LMBRD2: variants seen among roughly 807,000 people sequenced by gnomAD.
The protein encoded by LMBRD2 is G protein-coupled receptor-associated protein LMBRD2.
LMBRD2 carries 55 observed loss-of-function variants against 94.4 expected under a neutral mutation model. The ratio of observed to expected loss-of-function variants is 0.58; its 90% CI spans 0.47 to 0.73. The LOEUF (loss-of-function observed/expected upper bound fraction) is 0.73, where lower values mean the gene tolerates loss of function less well. LMBRD2 is among the 30% of genes least tolerant of loss of function. LMBRD2 has a pLI of 0.00. For synonymous variants in LMBRD2, 246 were observed against 272.4 expected (o/e 0.90, Z 0.95); for missense variants, 640 against 831.9 (o/e 0.77, Z 2.84).
At chr5:36,105,636 G>A (rs1258232223) in intron 16 of LMBRD2, among the ~76,000 whole-genome samples, 1 of 152,106 alleles carries the variant, frequency 6.6e-6, no homozygotes. Flanking sequence ...CAAGAGTATG[G>A]GTAGCACTAG....
rs372279983 is a variant in LMBRD2 at position 36,105,176 on chromosome 5, G to A, written c.1919C>T (p.Ala640Val). The A allele has an allele frequency of 3.1e-6, 5 of 1,612,026 alleles. No homozygotes were observed. The highest frequency in any genetic ancestry group is 3.3e-5 in the Admixed American group (2 of 59,822). ...TNRSAFKYTRANNRTERDRIE... is the reference protein window; with the variant it reads ...TNRSAFKYTRVNNRTERDRIE... The stretch of plus-strand genomic sequence containing the variant: ...CCGGTCCCTTTCAGTCCTGTTATTA[G>A]CCCTGGTATATTTGAATGCAGCTGC... The change falls in exon 17 of 18, where the codon GCT (alanine) becomes GTT (valine). Residue 640 changes from alanine (A) to valine (V), a missense_variant. This residue lies in a region of LMBRD2 where 183 missense variants were observed against 189.1 expected (regional missense o/e 0.97). Coordinates refer to ENST00000296603, the MANE Select transcript of LMBRD2 (RefSeq NM_001007527.2).
Position 36,111,291 on chromosome 5 carries a change from A to G in LMBRD2, c.1641-33T>C, listed in dbSNP as rs1181834853. On this transcript the variant is annotated intron_variant, in intron 13 of 17. Coordinates refer to ENST00000296603, the MANE Select transcript of LMBRD2 (RefSeq NM_001007527.2). ...AAGCAGATTTTTTAAAAAGACAAACATTATTTCACATTGTAAATATTTAGA... is the reference window on the plus strand; with the variant it reads ...AAGCAGATTTTTTAAAAAGACAAACGTTATTTCACATTGTAAATATTTAGA... The G allele has an allele frequency of 8.5e-6, 11 of 1,288,670 alleles. No individual in the cohort carries two copies. In the Admixed American group the frequency reaches 1.7e-4, roughly 20 times the overall value. 79.8% of individuals were successfully genotyped at this position (1,288,670 alleles called of 1,614,324 possible).
intron 6 of LMBRD2, among the ~76,000 whole-genome samples, chr5:36,134,765 T>C (rs1744231285): frequency 6.6e-6 from 1 of 152,114 alleles, no homozygotes. Flanking sequence ...ATATTTTCTA[T>C]TGTTTAAGCC....
chr5:36,102,138 A>G lies in LMBRD2; in HGVS notation c.*1908T>C, dbSNP rs1743359898. The G allele has an allele frequency of 6.6e-6, 1 of 151,938 alleles. No homozygotes were observed. Among genetic ancestry groups the G allele is most frequent in the Non-Finnish European group, 1.5e-5 (1 of 67,852 alleles). 9.4% of individuals were successfully genotyped at this position (151,938 alleles called of 1,614,324 possible). A position where few individuals can be genotyped will look rare whatever the true frequency, so the allele number is the denominator to read the frequency against. Reference sequence around the variant, plus strand: ...AGTACTTGTAAACTTTTCTGTAATAATAAGAAACTGGACCCATTTCTGGGA... The same window carrying G: ...AGTACTTGTAAACTTTTCTGTAATAGTAAGAAACTGGACCCATTTCTGGGA... On this transcript the variant is annotated 3_prime_UTR_variant, in exon 18 of 18. Coordinates refer to ENST00000296603, the MANE Select transcript of LMBRD2 (RefSeq NM_001007527.2).
chr5:36,117,658 A>C, intron 10 of LMBRD2, 77 bp downstream of exon 10: 1 of 1,049,916 alleles, frequency 9.5e-7, no homozygotes, highest in Admixed American at 2.9e-5. Context: ...TTTTACTAGA[A>C]GAAATACATG....
chr5:36,143,387 T>C lies in LMBRD2; in HGVS notation c.-38A>G. 6.6e-7 allele frequency: 1 copy of C among 1,521,998 alleles called. No homozygotes were observed. Among genetic ancestry groups the C allele is most frequent in the Non-Finnish European group, 9.1e-7 (1 of 1,102,176 alleles). 94.3% of individuals were successfully genotyped at this position (1,521,998 alleles called of 1,614,324 possible). The stretch of plus-strand genomic sequence containing the variant: ...CACTCTGACTAACCAAAGTTATTCA[T>C]GTACAGGTCTGGACCATATCTATAA... On this transcript the variant is annotated 5_prime_UTR_variant, in exon 2 of 18. It removes an upstream start codon present in the reference 5' UTR. Transcript: ENST00000296603.
rs1396801958 is a variant in LMBRD2, at chr5:36,137,256, G to C, written c.536+18C>G. 6.6e-7 allele frequency: 1 copy of C among 1,505,274 alleles called. No individual in the cohort carries two copies. Among genetic ancestry groups the C allele is most frequent in the East Asian group, 2.3e-5 (1 of 43,784 alleles). 93.2% of individuals were successfully genotyped at this position (1,505,274 alleles called of 1,614,324 possible). A position where few individuals can be genotyped will look rare whatever the true frequency, so the allele number is the denominator to read the frequency against. The stretch of plus-strand genomic sequence containing the variant: ...CAAACATACATTAAAGCAATGTTAA[G>C]AAGACTACTTTTCTTACCATTCTAA... On this transcript the variant is annotated intron_variant, in intron 5 of 17. Coordinates refer to ENST00000296603, the MANE Select transcript of LMBRD2 (RefSeq NM_001007527.2).
intron 6 of LMBRD2, among the ~76,000 whole-genome samples, chr5:36,133,644 C>T (rs750266456): frequency 9.2e-5 from 14 of 152,080 alleles, no homozygotes; most frequent in Non-Finnish European, 1.8e-4. Context: ...TCAGAGTTCT[C>T]CTGCTATCTA....
At chr5:36,114,600 T>A in intron 12 of LMBRD2, 79 bp from the exon 13 acceptor site, 1 of 1,403,568 alleles carries the variant, frequency 7.1e-7, no homozygotes, top group Non-Finnish European at 9.3e-7. Flanking sequence ...AAAATTTGCC[T>A]ATAACCAGTT....
At chr5:36,110,618 T>C (rs12655763) in intron 14 of LMBRD2, among the ~76,000 whole-genome samples, 47,122 of 151,864 alleles carry the variant, frequency 0.31, 9,112 homozygotes, top group Non-Finnish European at 0.43. Context: ...GGAGAATGTC[T>C]AAGAACCAAT....
intron 11 of LMBRD2, among the ~76,000 whole-genome samples, chr5:36,115,728 A>ACC (rs1561513802): frequency 6.6e-6 from 1 of 152,148 alleles, no homozygotes; most frequent in African/African-American, 2.4e-5. Context: ...ACACACACAC[A>ACC]CACACACGAA....
intron 6 of LMBRD2, among the ~76,000 whole-genome samples, chr5:36,127,886 G>C (rs534421662): frequency 3.0e-4 from 45 of 152,334 alleles, no homozygotes; most frequent in African/African-American, 1.0e-3. Flanking sequence ...TGACTGTAGA[G>C]GACCAGGGCC....
At chr5:36,133,499 G>A (rs556646274) in intron 6 of LMBRD2, among the ~76,000 whole-genome samples, 4 of 152,032 alleles carry the variant, frequency 2.6e-5, no homozygotes, top group Non-Finnish European at 5.9e-5. Flanking sequence ...AATATAATTG[G>A]ATTGTTTGTA....
chr5:36,100,219 AT>A lies in LMBRD2; in HGVS notation c.*3826del, dbSNP rs2111828264. On this transcript the variant is annotated 3_prime_UTR_variant, in exon 18 of 18. Coordinates refer to ENST00000296603, the MANE Select transcript of LMBRD2 (RefSeq NM_001007527.2). ...TCTCAAGAATCTAAATAAATCTTAAATTTTGGGGGGGAAATCTATTTTTATG... is the reference window on the plus strand; with the variant it reads ...TCTCAAGAATCTAAATAAATCTTAAATTTGGGGGGGAAATCTATTTTTATG... 6.6e-6 allele frequency: 1 copy of A among 152,210 alleles called. No individual in the cohort carries two copies. Among genetic ancestry groups the A allele is most frequent in the African/African-American group, 2.4e-5 (1 of 41,568 alleles). The allele number at this position is 152,210 out of a possible 1,614,324, so 9.4% of individuals were successfully genotyped here.
At chr5:36,135,134 G>A (rs1744240394) in intron 6 of LMBRD2, among the ~76,000 whole-genome samples, 2 of 152,080 alleles carry the variant, frequency 1.3e-5, no homozygotes, top group African/African-American at 4.8e-5. Context: ...TTTACTATCT[G>A]GCCCTTTACA....
At chr5:36,118,641 T>C (rs1233608885) in intron 9 of LMBRD2, among the ~76,000 whole-genome samples, 2 of 147,422 alleles carry the variant, frequency 1.4e-5, no homozygotes, top group Non-Finnish European at 3.0e-5. Context: ...TATTTTGTAC[T>C]GTTTTGGTTT....
rs1277884071 is a variant in LMBRD2, at chr5:36,116,707, C to T, written c.1303-114G>A. 1.8e-5 allele frequency: 18 copies of T among 1,007,076 alleles called. No individual in the cohort carries two copies. In the East Asian group the frequency reaches 1.8e-4, roughly 10 times the overall value. The allele number at this position is 1,007,076 out of a possible 1,614,324, so 62.4% of individuals were successfully genotyped here. On this transcript the variant is annotated intron_variant, in intron 10 of 17. Transcript: ENST00000296603. ...CTTTTGTTTTTTTGAGATGGAGTCT[C>T]GCCCTGTCACCCAGGCTGGAGTGCA...
At chr5:36,123,051 T>C in intron 7 of LMBRD2, 90 bp from the exon 8 acceptor site, 1 of 1,256,694 alleles carries the variant, frequency 8.0e-7, no homozygotes, top group African/African-American at 1.6e-5. Flanking sequence ...TCTTGAGCAG[T>C]TCTAATTTTC....
At chr5:36,105,219 T>A in intron 16 of LMBRD2, 22 bp from the exon 17 acceptor site, 1 of 1,610,034 alleles carries the variant, frequency 6.2e-7, no homozygotes, top group Non-Finnish European at 8.5e-7. Flanking sequence ...GGGGGAAAAA[T>A]GTCTACTTCC....
Sources: gnomAD v4.1 joint callset for allele counts (sites outside exome capture counted in the v4.1 genomes callset) on GRCh38, gnomAD v4.1.1 for gene constraint, gnomAD v4.1.1 regional missense constraint, MANE v1.5 for transcripts, NCBI Gene and HGNC (gene_info 2026-07-23, HGNC 2026-07-21) for gene names.